MED30: variants seen among roughly 807,000 people sequenced by gnomAD.
The protein encoded by MED30 is mediator complex subunit 30.
A neutral mutation model predicts 21.7 loss-of-function variants in MED30; 8 were observed. That is an observed-to-expected ratio of 0.37 (90% CI 0.22 to 0.67). MED30 has a LOEUF of 0.67. Ranked by LOEUF, MED30 falls within the 30% of genes least tolerant of loss-of-function variation. The pLI is 0.58. For missense variants in MED30, 203 were observed against 228.2 expected (o/e 0.89, Z 0.71); for synonymous variants, 79 against 86.7 (o/e 0.91, Z 0.49).
At chr8:117,536,794 A>G (rs1236479778) in intron 3 of MED30, among the ~76,000 whole-genome samples, 2 of 152,240 alleles carry the variant, frequency 1.3e-5, no homozygotes, top group Non-Finnish European at 2.9e-5. Context: ...GTTTGAGACC[A>G]TATGCTTTAG....
At chr8:117,538,522 G>A (rs1367695361) in intron 3 of MED30, among the ~76,000 whole-genome samples, 3 of 151,874 alleles carry the variant, frequency 2.0e-5, no homozygotes, top group Admixed American at 2.0e-4. Context: ...AGATTGTTAG[G>A]CCTCTTTTTA....
chr8:117,527,398 T>C lies in MED30; in HGVS notation c.178-1253T>C, dbSNP rs527424276. ...AGAATTTCTGAAACTCCTAATAATA[T>C]CACACTTCAAATAATTTCAGGAGAT... is the stretch of plus-strand genomic sequence containing the variant. On this transcript the variant is annotated intron_variant, in intron 1 of 3. Transcript: ENST00000297347. Among the ~76,000 whole-genome samples, 35 of 152,060 alleles carry C rather than the reference T, an allele frequency of 2.3e-4. 1 individual carries two copies. Among genetic ancestry groups the C allele is most frequent in the African/African-American group, 7.9e-4 (33 of 41,548 alleles).
At chr8:117,537,137 T>C (rs17667932) in intron 3 of MED30, among the ~76,000 whole-genome samples, 11,463 of 152,328 alleles carry the variant, frequency 0.075, 508 homozygotes, top group South Asian at 0.12. Flanking sequence ...AGGTTGGCAT[T>C]GAGTCCATGC....
At chr8:117,523,474 C>A in intron 1 of MED30, 9 of 1,584,426 alleles carry the variant, frequency 5.7e-6, no homozygotes, top group Non-Finnish European at 6.9e-6. Flanking sequence ...TGGACGGCTG[C>A]GGCGTAGGGT....
At chr8:117,538,859 G>A (rs947961935) in intron 3 of MED30, among the ~76,000 whole-genome samples, 1 of 152,164 alleles carries the variant, frequency 6.6e-6, no homozygotes, top group African/African-American at 2.4e-5. Context: ...ATTGCATTGG[G>A]TACTCTGCCA....
chr8:117,538,144 C>T (rs1462113274), intron 3 of MED30, among the ~76,000 whole-genome samples: 2 of 151,734 alleles, frequency 1.3e-5, no homozygotes, highest in African/African-American at 2.4e-5. Flanking sequence ...AAATAACAGA[C>T]TATCACTTAC....
At chr8:117,526,405 CCACATTAAT>C (rs1818721063) in intron 1 of MED30, among the ~76,000 whole-genome samples, 1 of 151,968 alleles carries the variant, frequency 6.6e-6, no homozygotes. Context: ...TCTAATGATT[CCACATTAAT>C]CATAGTGCTG....
intron 2 of MED30, among the ~76,000 whole-genome samples, chr8:117,529,614 A>C (rs577552691): frequency 5.3e-5 from 8 of 151,974 alleles, no homozygotes; most frequent in Non-Finnish European, 1.0e-4. Flanking sequence ...GGAAATAAGA[A>C]GCTGGAGCCG....
At chr8:117,538,346 C>T (rs1422710563) in intron 3 of MED30, among the ~76,000 whole-genome samples, 3 of 152,102 alleles carry the variant, frequency 2.0e-5, no homozygotes, top group Non-Finnish European at 4.4e-5. Context: ...GAATTAAATT[C>T]AGTTATGAAA....
intron 3 of MED30, among the ~76,000 whole-genome samples, chr8:117,536,559 G>A (rs748479915): frequency 1.3e-5 from 2 of 152,038 alleles, no homozygotes; most frequent in Non-Finnish European, 2.9e-5. Flanking sequence ...CTATTTAGTC[G>A]TTATGGTCTG....
chr8:117,528,404 C>G (rs1818749862), intron 1 of MED30, among the ~76,000 whole-genome samples: 1 of 151,598 alleles, frequency 6.6e-6, no homozygotes, highest in African/African-American at 2.4e-5. Flanking sequence ...AAAAGTATTT[C>G]AAGTCAGAGG....
chr8:117,523,398 T>C, intron 1 of MED30: 1 of 1,556,194 alleles, frequency 6.4e-7, no homozygotes, highest in South Asian at 1.1e-5. Flanking sequence ...CTCTGTCGGC[T>C]TCCCCTCTTG....
At chr8:117,536,768 T>C (rs1818884781) in intron 3 of MED30, among the ~76,000 whole-genome samples, 1 of 152,246 alleles carries the variant, frequency 6.6e-6, no homozygotes, top group Non-Finnish European at 1.5e-5. Flanking sequence ...AATACCCATT[T>C]AAAGGATGGA....
chr8:117,522,202 A>T (rs764187059), intron 1 of MED30, among the ~76,000 whole-genome samples: 93 of 152,172 alleles, frequency 6.1e-4, no homozygotes, highest in Middle Eastern at 3.4e-3. Flanking sequence ...CAGCTTACTG[A>T]TTTGTTCTTT....
rs757284024 is a variant in MED30, at chr8:117,528,805, T to G, written c.332T>G (p.Val111Gly). ...TGTGGTGGGATGGATCCCATTCCAG[T>G]CGAGGTAATTTTTTGTGATAGAGGG... is the stretch of plus-strand genomic sequence containing the variant. ...ENCGGMDPIP[V>G]EQLIPYVEED... Residue 111 changes from valine (V) to glycine (G), a missense_variant, in exon 2 of 4, where the codon GTC (valine) becomes GGC (glycine). Transcript: ENST00000297347. 3 of 1,596,054 alleles carry G rather than the reference T, an allele frequency of 1.9e-6. No individual in the cohort carries two copies. Among genetic ancestry groups the G allele is most frequent in the Non-Finnish European group, 2.6e-6 (3 of 1,172,600 alleles).
chr8:117,525,974 A>G (rs1412990640), intron 1 of MED30, among the ~76,000 whole-genome samples: 5 of 152,086 alleles, frequency 3.3e-5, no homozygotes, highest in Non-Finnish European at 7.4e-5. Flanking sequence ...AAGACTTGAC[A>G]TCATTATGAT....
At chr8:117,531,338 A>G (rs910138705) in intron 3 of MED30, among the ~76,000 whole-genome samples, 30 of 152,020 alleles carry the variant, frequency 2.0e-4, no homozygotes, top group Admixed American at 1.7e-3. Flanking sequence ...AGAAATAGGG[A>G]AAGGTGTCAG....
rs555340451 is a variant in MED30 at position 117,525,994 on chromosome 8, T to C, written c.178-2657T>C. On this transcript the variant is annotated intron_variant, in intron 1 of 3. Coordinates refer to ENST00000297347, the MANE Select transcript of MED30 (RefSeq NM_080651.4). ...TTGACATCATTATGATGTTGACTCT[T>C]ACTAACCAAGAACATGCAGTATTCT... Among the ~76,000 whole-genome samples, 22 of 152,164 alleles carry C rather than the reference T, an allele frequency of 1.4e-4. No homozygotes were observed. The East Asian group carries it at 4.2e-3, about 29-fold the overall frequency.
chr8:117,520,938 C>A lies in MED30; in HGVS notation c.62C>A (p.Ala21Asp). ...MAPGPFAGPQ[A>D]QQAAREVNTA... ...CCCGGGCCCTTCGCCGGGCCCCAGG[C>A]TCAGCAGGCCGCCCGGGAAGTCAAC... The change falls in exon 1 of 4, where the codon GCT (alanine) becomes GAT (aspartate). Residue 21 changes from alanine (A) to aspartate (D), a missense_variant. Physicochemically the swap from Ala to Asp is moderately radical, Grantham distance 126 (BLOSUM62 -2). Coordinates refer to ENST00000297347, the MANE Select transcript of MED30 (RefSeq NM_080651.4). 1 of 1,611,964 alleles carries A rather than the reference C, an allele frequency of 6.2e-7. No homozygotes were observed. Among genetic ancestry groups the A allele is most frequent in the Non-Finnish European group, 8.5e-7 (1 of 1,179,146 alleles).
Sources: allele counts gnomAD v4.1 joint callset (sites outside exome capture counted in the v4.1 genomes callset), GRCh38; gene constraint gnomAD v4.1.1; transcripts MANE v1.5; gene names NCBI Gene and HGNC (gene_info 2026-07-23, HGNC 2026-07-21).